The following LSAMP variants were observed in gnomAD, a reference collection of about 807,000 sequenced individuals.
The protein encoded by LSAMP is limbic system associated membrane protein.
LSAMP carries 7 observed loss-of-function variants against 38.6 expected under a neutral mutation model. The observed-to-expected ratio is 0.18, with a 90% CI of 0.10 to 0.34. LSAMP has a LOEUF of 0.34. Among genes scored for constraint, LSAMP ranks in the 10% least tolerant of loss-of-function variants. The probability of loss-of-function intolerance (pLI) is 1.00; values close to 1 mark genes in which losing one functional copy is unlikely to be tolerated. For missense variants in LSAMP, 313 were observed against 420.0 expected (o/e 0.75, Z 2.23); for synonymous variants, 154 against 166.8 (o/e 0.92, Z 0.59).
chr3:116,386,755 G>C (rs1474785108), intron 1 of LSAMP, among the ~76,000 whole-genome samples: 1 of 152,164 alleles, frequency 6.6e-6, no homozygotes, highest in Non-Finnish European at 1.5e-5. Flanking sequence ...TTACAGGTGT[G>C]AGCCACTGAA....
In LSAMP at chr3:116,070,645, T is replaced by C. The variant is rs149106435; in HGVS notation, c.388+15679A>G. ...TGCAATTTTACTTGAGTTGAGGAGA[T>C]TGACAAGGTCCTACCCACACAAAAT... is the stretch of plus-strand genomic sequence containing the variant. On this transcript the variant is annotated intron_variant, in intron 2 of 6. Coordinates refer to ENST00000490035, the MANE Select transcript of LSAMP (RefSeq NM_002338.5). Among the ~76,000 whole-genome samples, 5 of 152,346 alleles carry C rather than the reference T, an allele frequency of 3.3e-5. No homozygotes were observed. The East Asian group carries it at 9.6e-4, about 29-fold the overall frequency.
intron 1 of LSAMP, among the ~76,000 whole-genome samples, chr3:116,254,901 G>A (rs543311779): frequency 1.2e-4 from 18 of 152,096 alleles, no homozygotes; most frequent in Non-Finnish European, 1.9e-4. Flanking sequence ...CTATATCCTC[G>A]GAATTGATTT....
chr3:116,134,021 A>T (rs1709191589), intron 1 of LSAMP, among the ~76,000 whole-genome samples: 1 of 152,190 alleles, frequency 6.6e-6, no homozygotes, highest in East Asian at 1.9e-4. Context: ...AGGAGGAATA[A>T]GCTTTGGACT....
intron 3 of LSAMP, among the ~76,000 whole-genome samples, chr3:115,894,682 AT>A (rs1936684825): frequency 6.6e-6 from 1 of 152,072 alleles, no homozygotes; most frequent in Non-Finnish European, 1.5e-5. Flanking sequence ...TCAGAAAAAA[AT>A]CTCAAGCCAC....
intron 1 of LSAMP, among the ~76,000 whole-genome samples, chr3:116,164,217 G>T (rs2107543235): frequency 6.6e-6 from 1 of 152,134 alleles, no homozygotes; most frequent in South Asian, 2.1e-4. Context: ...TTAGAAAGAA[G>T]TGTCTGGTTT....
chr3:116,290,666 G>A (rs111509282), intron 1 of LSAMP, among the ~76,000 whole-genome samples: 1,792 of 151,502 alleles, frequency 0.012, 29 homozygotes, highest in African/African-American at 0.038. Flanking sequence ...CGAGGCGGAG[G>A]TTGCAGTGAG....
intron 1 of LSAMP, among the ~76,000 whole-genome samples, chr3:116,160,168 G>A (rs1283055411): frequency 6.6e-6 from 1 of 152,152 alleles, no homozygotes; most frequent in Non-Finnish European, 1.5e-5. Flanking sequence ...GGGAGGCCAA[G>A]GCAGGTGGAT....
intron 6 of LSAMP, among the ~76,000 whole-genome samples, chr3:115,814,442 T>G (rs1933942456): frequency 6.6e-6 from 1 of 152,226 alleles, no homozygotes; most frequent in Admixed American, 6.5e-5. Context: ...TAAATTTGTT[T>G]CAGGATCTGG....
intron 2 of LSAMP, among the ~76,000 whole-genome samples, chr3:116,067,261 A>T (rs1258118124): frequency 6.6e-6 from 1 of 152,232 alleles, no homozygotes; most frequent in East Asian, 1.9e-4. Flanking sequence ...GCCCATGCAT[A>T]TAGATGACTC....
chr3:116,113,902 A>C (rs1018161020), intron 1 of LSAMP, among the ~76,000 whole-genome samples: 4 of 152,210 alleles, frequency 2.6e-5, no homozygotes, highest in Non-Finnish European at 5.9e-5. Flanking sequence ...TACAAAGAGC[A>C]ATGAGGAGAG....
chr3:115,853,854 T>C (rs1935410232), intron 3 of LSAMP, among the ~76,000 whole-genome samples: 1 of 152,200 alleles, frequency 6.6e-6, no homozygotes. Context: ...CTCCTGGTCA[T>C]TCTCTACTAA....
intron 3 of LSAMP, among the ~76,000 whole-genome samples, chr3:115,872,195 C>T (rs1936060551): frequency 6.6e-6 from 1 of 152,040 alleles, no homozygotes; most frequent in South Asian, 2.1e-4. Context: ...TGATAAAATG[C>T]ATAACTCTTG....
At chr3:116,430,532 T>G (rs2049266523) in intron 1 of LSAMP, among the ~76,000 whole-genome samples, 2 of 152,128 alleles carry the variant, frequency 1.3e-5, no homozygotes, top group South Asian at 4.1e-4. Flanking sequence ...AAAATGTAGT[T>G]CCTTAACAGG....
At chr3:115,967,302 AAG>A (rs1400294565) in intron 3 of LSAMP, among the ~76,000 whole-genome samples, 3 of 152,204 alleles carry the variant, frequency 2.0e-5, no homozygotes, top group African/African-American at 7.2e-5. Context: ...AAAACATAAC[AAG>A]AGTCACCATT....
At chr3:116,104,445 C>CA (rs1448697204) in intron 1 of LSAMP, among the ~76,000 whole-genome samples, 5 of 151,094 alleles carry the variant, frequency 3.3e-5, no homozygotes, top group Non-Finnish European at 5.9e-5. Flanking sequence ...ACTAGGCTTG[C>CA]ACCTCATGTT....
chr3:116,055,416 T>C (rs1941473496), intron 2 of LSAMP, among the ~76,000 whole-genome samples: 1 of 152,104 alleles, frequency 6.6e-6, no homozygotes, highest in African/African-American at 2.4e-5. Flanking sequence ...TTTAACCTTA[T>C]TTGGTAGTTT....
chr3:116,291,579 A>T (rs956678066), intron 1 of LSAMP, among the ~76,000 whole-genome samples: 2 of 152,198 alleles, frequency 1.3e-5, no homozygotes, highest in Non-Finnish European at 2.9e-5. Context: ...GCTACAGATA[A>T]CATTAGATTG....
At chr3:115,819,732 G>C (rs931769722) in intron 6 of LSAMP, among the ~76,000 whole-genome samples, 5 of 152,192 alleles carry the variant, frequency 3.3e-5, no homozygotes, top group African/African-American at 7.2e-5. Flanking sequence ...CAGGTTGCCA[G>C]TTAAATGTTA....
intron 1 of LSAMP, among the ~76,000 whole-genome samples, chr3:116,155,967 C>T (rs985680277): frequency 1.3e-5 from 2 of 152,124 alleles, no homozygotes; most frequent in Admixed American, 1.3e-4. Flanking sequence ...GAGCCAAGTT[C>T]TTCCCTGGTT....
Sources: allele counts gnomAD v4.1 joint callset (sites outside exome capture counted in the v4.1 genomes callset), GRCh38; gene constraint gnomAD v4.1.1; transcripts MANE v1.5; gene names NCBI Gene and HGNC (gene_info 2026-07-23, HGNC 2026-07-21).